CDC45: variants seen among roughly 807,000 people sequenced by gnomAD.
CDC45 encodes cell division cycle 45.
In CDC45, 54 loss-of-function variants were observed where a neutral mutation model predicts 77.8. The observed-to-expected ratio is 0.69, with a 90% CI of 0.56 to 0.87. CDC45 has a LOEUF of 0.87. Ranked by LOEUF, CDC45 falls within the 40% of genes least tolerant of loss-of-function variation. The pLI is 0.00. For synonymous variants in CDC45, 260 were observed against 272.1 expected (o/e 0.96, Z 0.44); for missense variants, 649 against 721.6 (o/e 0.90, Z 1.15).
At chr22:19,479,919 C>T, upstream of CDC45, 1 of 1,606,144 alleles carries the variant, frequency 6.2e-7, no homozygotes, top group Non-Finnish European at 8.5e-7. Flanking sequence ...TGACCGCCGC[C>T]GGGCTCTTGG....
intron 3 of CDC45, among the ~76,000 whole-genome samples, chr22:19,481,734 C>T (rs771212456): frequency 2.0e-5 from 3 of 152,038 alleles, no homozygotes; most frequent in Non-Finnish European, 4.4e-5. Context: ...TGTCATGGTG[C>T]AATCTTGGCT....
chr22:19,514,102 T>G (rs1405964609), intron 13 of CDC45, among the ~76,000 whole-genome samples: 2 of 152,252 alleles, frequency 1.3e-5, no homozygotes, highest in Non-Finnish European at 2.9e-5. Flanking sequence ...TTTCTTTAGT[T>G]CTCCAAATTA....
At chr22:19,501,905 TG>T (rs1459523075) in intron 9 of CDC45, among the ~76,000 whole-genome samples, 1 of 152,058 alleles carries the variant, frequency 6.6e-6, no homozygotes, top group Non-Finnish European at 1.5e-5. Context: ...TTTGTAGAGA[TG>T]GGGTCTTACT....
Position 19,514,755 on chromosome 22 carries a change from C to G in CDC45, c.1224C>G (p.Asn408Lys). 1 of 1,608,436 alleles carries G rather than the reference C, an allele frequency of 6.2e-7. No individual in the cohort carries two copies. Among genetic ancestry groups the G allele is most frequent in the East Asian group, 2.2e-5 (1 of 44,864 alleles). Residue 408 changes from asparagine (N) to lysine (K), a missense_variant, in exon 14 of 19, where the codon AAC (asparagine) becomes AAG (lysine). Transcript: ENST00000263201. ...IQALDSLSRS[N>K]LDKLYHGLEL... is the part of the protein sequence containing the mutation. ...TGTGTCTGCCCTGTTACAGGAGTAA[C>G]CTGGACAAGCTGTACCATGGCCTGG...
intron 5 of CDC45, among the ~76,000 whole-genome samples, chr22:19,488,166 G>A (rs976538411): frequency 1.9e-4 from 29 of 152,234 alleles, no homozygotes; most frequent in Admixed American, 1.7e-3. Context: ...ACCTCTGTGT[G>A]CCATTGTAAA....
At chr22:19,515,981 C>T (rs1933763348) in intron 15 of CDC45, among the ~76,000 whole-genome samples, 1 of 152,180 alleles carries the variant, frequency 6.6e-6, no homozygotes, top group African/African-American at 2.4e-5. Flanking sequence ...TACTGGTCAC[C>T]TGGGCTGTAG....
At chr22:19,506,890 T>C (rs7364291) in intron 10 of CDC45, among the ~76,000 whole-genome samples, 127,271 of 151,210 alleles carry the variant, frequency 0.84, 53,960 homozygotes, top group African/African-American at 0.94. Flanking sequence ...GCCGAGATCG[T>C]GCCACTGCAC....
intron 6 of CDC45, among the ~76,000 whole-genome samples, chr22:19,495,696 C>G (rs1000191251): frequency 1.3e-5 from 2 of 152,100 alleles, no homozygotes; most frequent in South Asian, 2.1e-4. Context: ...GTGGCACATG[C>G]CTGTAGCCCC....
intron 15 of CDC45, among the ~76,000 whole-genome samples, chr22:19,516,016 G>A (rs760156902): frequency 2.6e-5 from 4 of 152,354 alleles, no homozygotes; most frequent in Admixed American, 6.5e-5. Context: ...AGGCACAGCA[G>A]AGAAGGAAAC....
At chr22:19,509,755 A>C (rs1459340037) in intron 13 of CDC45, among the ~76,000 whole-genome samples, 3 of 152,184 alleles carry the variant, frequency 2.0e-5, no homozygotes, top group Non-Finnish European at 4.4e-5. Context: ...GGCATGATTC[A>C]GACAGCTTTT....
rs1006932981 is a variant in CDC45, at chr22:19,510,320, T to C, written c.1217+1629T>C. Among the ~76,000 whole-genome samples the C allele has an allele frequency of 3.9e-5, 6 of 152,248 alleles. No individual in the cohort carries two copies. In the South Asian group the frequency reaches 1.0e-3, roughly 26 times the overall value. ...CAAGGTTGTGCAGCAATCACCACTATCTAATTTTAGAGCATTTTTGTTGCC... is the reference window on the plus strand; with the variant it reads ...CAAGGTTGTGCAGCAATCACCACTACCTAATTTTAGAGCATTTTTGTTGCC... On this transcript the variant is annotated intron_variant, in intron 13 of 18. Transcript: ENST00000263201.
chr22:19,497,609 A>C (rs2090265697), intron 8 of CDC45, among the ~76,000 whole-genome samples, 162 bp downstream of exon 8: 1 of 152,142 alleles, frequency 6.6e-6, no homozygotes, highest in African/African-American at 2.4e-5. Context: ...TCTTTTTCCT[A>C]ACTGTGAAGC....
Position 19,493,426 on chromosome 22 carries a change from GTTTTT to G in CDC45, c.487-892_487-888del, listed in dbSNP as rs55876348. Among the ~76,000 whole-genome samples the G allele has an allele frequency of 3.4e-3, 500 of 148,438 alleles. 5 individuals carry two copies. Among genetic ancestry groups the G allele is most frequent in the African/African-American group, 0.012 (479 of 39,668 alleles). ...CCTCTACCTTTCAGAGTCTTACTTT[GTTTTT>G]TTTTTTTTGTTGTTGTTGTTTGTAT... is the stretch of plus-strand genomic sequence containing the variant. On this transcript the variant is annotated intron_variant, in intron 5 of 18. Transcript: ENST00000263201.
chr22:19,488,137 A>T (rs964215143), intron 5 of CDC45, among the ~76,000 whole-genome samples: 2 of 152,196 alleles, frequency 1.3e-5, no homozygotes, highest in Non-Finnish European at 2.9e-5. Context: ...CAGCTTTGTG[A>T]CTGTAGGCAA....
At chr22:19,494,491 A>G (rs769467118) in intron 6 of CDC45, 109 bp downstream of exon 6, 2 of 1,558,818 alleles carry the variant, frequency 1.3e-6, no homozygotes, top group Non-Finnish European at 1.7e-6. Flanking sequence ...TATTGAGTTT[A>G]GAACCTTTGG....
At chr22:19,516,944 C>T (rs1933833201) in intron 17 of CDC45, 51 bp downstream of exon 17, 6 of 1,493,660 alleles carry the variant, frequency 4.0e-6, no homozygotes, top group Middle Eastern at 3.4e-4. Context: ...CCCTTTGAGG[C>T]TATTGCAGGC....
chr22:19,511,510 A>G (rs1568934114), intron 13 of CDC45, among the ~76,000 whole-genome samples: 1 of 151,948 alleles, frequency 6.6e-6, no homozygotes, highest in African/African-American at 2.4e-5. Flanking sequence ...TTAAATTTTT[A>G]GTAGAGATGA....
chr22:19,506,669 T>C (rs1042368004), intron 10 of CDC45, among the ~76,000 whole-genome samples: 2 of 152,040 alleles, frequency 1.3e-5, no homozygotes, highest in African/African-American at 4.8e-5. Flanking sequence ...GCGCTGTGGC[T>C]CACGCCTGTA....
At chr22:19,511,367 G>C (rs1933504724) in intron 13 of CDC45, among the ~76,000 whole-genome samples, 1 of 130,038 alleles carries the variant, frequency 7.7e-6, no homozygotes, top group South Asian at 2.4e-4. Flanking sequence ...GTGTCACTCT[G>C]TTGCTCAAGC....
Sources: gnomAD v4.1 joint callset for allele counts (sites outside exome capture counted in the v4.1 genomes callset) on GRCh38, gnomAD v4.1.1 for gene constraint, MANE v1.5 for transcripts, NCBI Gene and HGNC (gene_info 2026-07-23, HGNC 2026-07-21) for gene names.